Variants in CADM4 observed in about 807,000 individuals in gnomAD.
CADM4 encodes the protein TSLC1-like 2.
A neutral mutation model predicts 43.9 loss-of-function variants in CADM4; 13 were observed. That is an observed-to-expected ratio of 0.30 (90% CI 0.19 to 0.47). The LOEUF (loss-of-function observed/expected upper bound fraction) is 0.47. CADM4 is among the 20% of genes least tolerant of loss of function. CADM4 has a pLI of 1.00. For synonymous variants in CADM4, 209 were observed against 220.9 expected, an observed-to-expected ratio of 0.95 and a Z score of 0.48; for missense variants, 420 against 527.0, an observed-to-expected ratio of 0.80 and a Z score of 1.99.
rs199788280 is a variant in CADM4 at position 43,626,179 on chromosome 19, G to C, written c.609C>G (p.Asn203Lys). The C allele has an allele frequency of 2.4e-5, 39 of 1,613,868 alleles. No individual in the cohort carries two copies. The highest frequency in any genetic ancestry group is 3.1e-5 in the Non-Finnish European group (36 of 1,179,994). The change falls in exon 5 of 9, where the codon AAC becomes AAG. Residue 203 changes from asparagine to lysine, a missense_variant. Asn to Lys is a moderately conservative substitution (Grantham distance 94, BLOSUM62 0). Transcript: ENST00000222374. The surrounding 1 kb of genome is among the most constrained non-coding windows in gnomAD (Gnocchi z 5.9). ...DGGIIICEAQ[N>K]QALPSGHSKQ... ...TGCTGTGTCCGGAGGGCAGCGCCTG[G>C]TTCTGCGCCTCACAGATGATGATAC...
chr19:43,636,070 C>A (rs1973700400), intron 1 of CADM4, among the ~76,000 whole-genome samples: 1 of 151,988 alleles, frequency 6.6e-6, no homozygotes, highest in Non-Finnish European at 1.5e-5. Flanking sequence ...TCAGATCCAG[C>A]CCCTCCTCTC....
Position 43,626,071 on chromosome 19 carries a change from G to A in CADM4, c.664+53C>T, listed in dbSNP as rs1407834339. 6.2e-7 allele frequency: 1 copy of A among 1,612,124 alleles called. No individual in the cohort carries two copies. Among genetic ancestry groups the A allele is most frequent in the African/African-American group, 1.3e-5 (1 of 74,996 alleles). On this transcript the variant is annotated intron_variant, in intron 5 of 8. Coordinates refer to ENST00000222374, the MANE Select transcript of CADM4 (RefSeq NM_145296.2). The surrounding 1 kb of genome is among the most constrained non-coding windows in gnomAD (Gnocchi z 5.9). ...CGCAGGACAAGGGGGACCCTCGCGG[G>A]TGCGGGTGGCTGGCGTTGGGATCCC...
intron 1 of CADM4, among the ~76,000 whole-genome samples, chr19:43,628,306 G>A (rs949315428): frequency 1.3e-5 from 2 of 151,486 alleles, no homozygotes; most frequent in East Asian, 1.9e-4. Context: ...GTGGTGGTGC[G>A]CACCTGTAGT....
chr19:43,626,958 A>G lies in CADM4; in HGVS notation c.365-40T>C. 1 of 1,542,168 alleles carries G rather than the reference A, an allele frequency of 6.5e-7. No individual in the cohort carries two copies. Among genetic ancestry groups the G allele is most frequent in the Non-Finnish European group, 8.7e-7 (1 of 1,142,972 alleles). ...AGGGAAGTAAGGGGTTAAAGAAGGCACGAACGTGGGCTCAAAGCGATCGAG... is the reference window on the plus strand; with the variant it reads ...AGGGAAGTAAGGGGTTAAAGAAGGCGCGAACGTGGGCTCAAAGCGATCGAG... On this transcript the variant is annotated intron_variant, in intron 3 of 8. Coordinates refer to ENST00000222374, the MANE Select transcript of CADM4 (RefSeq NM_145296.2). This position sits in a 1 kb window ranked among gnomAD's most constrained non-coding sequence, Gnocchi z 5.9.
At chr19:43,639,877 C>T, upstream of CADM4, 1 of 966,066 alleles carries the variant, frequency 1.0e-6, no homozygotes, top group Non-Finnish European at 1.2e-6. Flanking sequence ...GCGCCCCGCC[C>T]CCTGCCCGCC....
chr19:43,628,191 C>G (rs532366430), intron 1 of CADM4, among the ~76,000 whole-genome samples: 1 of 150,558 alleles, frequency 6.6e-6, no homozygotes, highest in Non-Finnish European at 1.5e-5. Context: ...TTTGAGAGGC[C>G]GAGGTGGGCG....
At chr19:43,636,570 G>A (rs965572044) in intron 1 of CADM4, among the ~76,000 whole-genome samples, 6 of 152,094 alleles carry the variant, frequency 3.9e-5, no homozygotes, top group African/African-American at 1.4e-4. Flanking sequence ...ACAGGCCATT[G>A]GATGCTGGCG....
intron 1 of CADM4, among the ~76,000 whole-genome samples, chr19:43,634,810 A>C (rs1260405751): frequency 6.6e-6 from 1 of 151,570 alleles, no homozygotes; most frequent in Non-Finnish European, 1.5e-5. Context: ...CTCTCCCAGG[A>C]CCCAGGAGTC....
intron 1 of CADM4, among the ~76,000 whole-genome samples, chr19:43,636,013 C>G (rs1973699225): frequency 6.6e-6 from 1 of 151,342 alleles, no homozygotes; most frequent in African/African-American, 2.4e-5. Flanking sequence ...GGCCCCCAGA[C>G]CCTCCTCCAT....
chr19:43,628,287 T>C (rs978508753), intron 1 of CADM4, among the ~76,000 whole-genome samples: 20 of 140,370 alleles, frequency 1.4e-4, no homozygotes, highest in Non-Finnish European at 2.8e-4. Context: ...AAAAAAAAAT[T>C]AGCTGGGTGT....
At chr19:43,639,648 G>T in intron 1 of CADM4, 79 bp downstream of exon 1, 1 of 853,830 alleles carries the variant, frequency 1.2e-6, no homozygotes, top group Non-Finnish European at 1.4e-6. Flanking sequence ...CGGCCTCTGC[G>T]GCCCCGAGGC....
chr19:43,632,183 C>T (rs1481282676), intron 1 of CADM4, among the ~76,000 whole-genome samples: 2 of 152,170 alleles, frequency 1.3e-5, no homozygotes, highest in African/African-American at 2.4e-5. Context: ...ACCTAGAAAT[C>T]ATTCAAGTTC....
chr19:43,636,035 G>C (rs1245452590), intron 1 of CADM4, among the ~76,000 whole-genome samples: 1 of 147,672 alleles, frequency 6.8e-6, no homozygotes, highest in African/African-American at 2.5e-5. Flanking sequence ...AGACCCAGGA[G>C]TCCAGGCCCC....
Position 43,625,023 on chromosome 19 carries a change from C to T in CADM4, c.928+55G>A. 3 of 1,129,430 alleles carry T rather than the reference C, an allele frequency of 2.7e-6. No individual in the cohort carries two copies. Among genetic ancestry groups the T allele is most frequent in the Non-Finnish European group, 3.7e-6 (3 of 812,568 alleles). The allele number at this position is 1,129,430 out of a possible 1,614,324, so 70.0% of individuals were successfully genotyped here. A position where few individuals can be genotyped will look rare whatever the true frequency, so the allele number is the denominator to read the frequency against. ...ATGTGGCCTCTTTGCTCAAGCCCCG[C>T]CCCCGCCACCTGGCGCCCCGCCCCC... On this transcript the variant is annotated intron_variant, in intron 7 of 8. Coordinates refer to ENST00000222374, the MANE Select transcript of CADM4 (RefSeq NM_145296.2). The surrounding 1 kb of genome is among the most constrained non-coding windows in gnomAD (Gnocchi z 4.5).
intron 1 of CADM4, among the ~76,000 whole-genome samples, chr19:43,638,378 A>G (rs1973729453): frequency 6.6e-6 from 1 of 152,274 alleles, no homozygotes; most frequent in African/African-American, 2.4e-5. Flanking sequence ...GCAAATGGCA[A>G]GAGCCAAGAT....
In CADM4 at chr19:43,623,219, G is replaced by A; in HGVS notation, c.*111C>T. On this transcript the variant is annotated 3_prime_UTR_variant, in exon 9 of 9. Coordinates refer to ENST00000222374, the MANE Select transcript of CADM4 (RefSeq NM_145296.2). The surrounding 1 kb of genome is among the most constrained non-coding windows in gnomAD (Gnocchi z 4.4). ...AGCGTCTGAGGTGTTAGTGGTGGGGGGAGAAGCCCACCATCCCAGACTCTG... is the reference window on the plus strand; with the variant it reads ...AGCGTCTGAGGTGTTAGTGGTGGGGAGAGAAGCCCACCATCCCAGACTCTG... 2.6e-6 allele frequency: 2 copies of A among 775,506 alleles called. No homozygotes were observed. The highest frequency in any genetic ancestry group is 2.4e-5 in the East Asian group (1 of 40,958). The allele number at this position is 775,506 out of a possible 1,614,324, so 48.0% of individuals were successfully genotyped here. A position where few individuals can be genotyped will look rare whatever the true frequency, so the allele number is the denominator to read the frequency against.
Position 43,623,315 on chromosome 19 carries a change from G to A in CADM4, c.*15C>T, listed in dbSNP as rs201450321. 108 of 1,604,002 alleles carry A rather than the reference G, an allele frequency of 6.7e-5. No individual in the cohort carries two copies. The highest frequency in any genetic ancestry group is 1.2e-5 in the Non-Finnish European group (14 of 1,171,468). ...CCAGCCCAGGCCCAGGCCTAGGCCT[G>A]GGGTGGGGATAGGGTCAGATGAAGA... On this transcript the variant is annotated 3_prime_UTR_variant, in exon 9 of 9. Coordinates refer to ENST00000222374, the MANE Select transcript of CADM4 (RefSeq NM_145296.2). This position sits in a 1 kb window ranked among gnomAD's most constrained non-coding sequence, Gnocchi z 4.4.
intron 1 of CADM4, among the ~76,000 whole-genome samples, chr19:43,628,685 G>T (rs1973570989): frequency 6.6e-6 from 1 of 152,202 alleles, no homozygotes; most frequent in Non-Finnish European, 1.5e-5. Flanking sequence ...AATAGAATTT[G>T]CTAGAAGTGA....
At chr19:43,624,893 G>A in intron 7 of CADM4, 185 bp downstream of exon 7, 1 of 612,680 alleles carries the variant, frequency 1.6e-6, no homozygotes, top group Non-Finnish European at 2.8e-6. Context: ...GGCGCAGACA[G>A]GTTCGGTTAC....
Sources: gnomAD v4.1 joint callset for allele counts (sites outside exome capture counted in the v4.1 genomes callset) on GRCh38, gnomAD v4.1.1 for gene constraint, Gnocchi (gnomAD v3.1) non-coding constraint, MANE v1.5 for transcripts, NCBI Gene and HGNC (gene_info 2026-07-23, HGNC 2026-07-21) for gene names.